Variants in B4GALNT3 observed in about 807,000 individuals in gnomAD.
The protein encoded by B4GALNT3 is beta-1,4-N-acetylgalactosaminyltransferase 3.
Under a neutral mutation model 120.2 loss-of-function variants are expected in B4GALNT3, and 86 were observed. That is an observed-to-expected ratio of 0.72 (90% confidence interval 0.60 to 0.86). B4GALNT3 has a LOEUF of 0.86. Among genes scored for constraint, B4GALNT3 ranks in the 40% least tolerant of loss-of-function variants. The pLI, the probability that B4GALNT3 is intolerant of heterozygous loss-of-function variation, is 0.00. For synonymous variants in B4GALNT3, 518 were observed against 510.4 expected, an observed-to-expected ratio of 1.01 and a Z score of -0.20; for missense variants, 1,167 against 1,298.9, an observed-to-expected ratio of 0.90 and a Z score of 1.56.
At chr12:469,957 A>G (rs1489290295) in intron 1 of B4GALNT3, among the ~76,000 whole-genome samples, 1 of 152,078 alleles carries the variant, frequency 6.6e-6, no homozygotes, top group East Asian at 1.9e-4. Flanking sequence ...TGGCCAGTTA[A>G]TGTACACCGT....
chr12:556,070 A>C (rs1201591489), intron 14 of B4GALNT3, among the ~76,000 whole-genome samples: 5 of 152,200 alleles, frequency 3.3e-5, no homozygotes, highest in African/African-American at 1.2e-4. Context: ...GGTGTGAGCC[A>C]CTGCACCTGG....
intron 1 of B4GALNT3, among the ~76,000 whole-genome samples, chr12:517,433 A>G (rs1335287993): frequency 6.6e-6 from 1 of 152,150 alleles, no homozygotes; most frequent in Non-Finnish European, 1.5e-5. Flanking sequence ...CTTGTATTTT[A>G]GAAACAAAGC....
In B4GALNT3 at chr12:550,491, AAAAC is replaced by A. The variant is rs909331586; in HGVS notation, c.998-419_998-416del. Among the ~76,000 whole-genome samples the A allele has an allele frequency of 5.9e-5, 9 of 152,212 alleles. No homozygotes were observed. The highest frequency in any genetic ancestry group is 1.9e-4 in the East Asian group (1 of 5,174). On this transcript the variant is annotated intron_variant, in intron 10 of 19. Coordinates refer to ENST00000266383, the MANE Select transcript of B4GALNT3 (RefSeq NM_173593.4). This position sits in a 1 kb window ranked among gnomAD's most constrained non-coding sequence, Gnocchi z 4.1. ...GTGACAGAGTGAGATCCTGTCAAAA[AAAAC>A]AAACAAACAAAAAAAACAACAAAGT...
intron 1 of B4GALNT3, among the ~76,000 whole-genome samples, chr12:512,084 G>GACCTTCC (rs1348982865): frequency 0.049 from 2,178 of 44,164 alleles, 119 homozygotes; most frequent in Middle Eastern, 0.075. Flanking sequence ...TTCCACCTTC[G>GACCTTCC]ACCTTCCACC....
chr12:480,015 G>A (rs1391061046), intron 1 of B4GALNT3, among the ~76,000 whole-genome samples: 3 of 147,886 alleles, frequency 2.0e-5, no homozygotes, highest in South Asian at 2.2e-4. Context: ...CCGGGTTCAC[G>A]CCATTCTCCT....
rs201115570 is a variant in B4GALNT3 at position 461,423 on chromosome 12, CA to C, written c.169+880del. ...AGGTATGGCTGTGCGAGGTGGTTTTCAACGTACTGTGGATGGGCCTAACAAA... is the reference window on the plus strand; with the variant it reads ...AGGTATGGCTGTGCGAGGTGGTTTTCACGTACTGTGGATGGGCCTAACAAA... On this transcript the variant is annotated intron_variant, in intron 1 of 19. Transcript: ENST00000266383. Among the ~76,000 whole-genome samples the C allele has an allele frequency of 2.4e-3, 364 of 152,262 alleles. 6 individuals are homozygous for C. The East Asian group carries it at 0.045, about 19-fold the overall frequency.
chr12:548,428 G>T lies in B4GALNT3; in HGVS notation c.853+131G>T. On this transcript the variant is annotated intron_variant, in intron 9 of 19. Transcript: ENST00000266383. This position sits in a 1 kb window ranked among gnomAD's most constrained non-coding sequence, Gnocchi z 4.9. ...GATGCTTGGGACACGGGTATGAAGG[G>T]GTCCAGAACAAGAGTGGGACCTTAT... 2.5e-6 allele frequency: 2 copies of T among 802,940 alleles called. No homozygotes were observed. The highest frequency in any genetic ancestry group is 4.1e-6 in the Non-Finnish European group (2 of 487,354). The allele number at this position is 802,940 out of a possible 1,614,324, so 49.7% of individuals were successfully genotyped here. A position where few individuals can be genotyped will look rare whatever the true frequency, so the allele number is the denominator to read the frequency against.
At chr12:509,973 C>A (rs1240693806) in intron 1 of B4GALNT3, among the ~76,000 whole-genome samples, 2 of 152,220 alleles carry the variant, frequency 1.3e-5, no homozygotes, top group Admixed American at 1.3e-4. Context: ...GCTGTGTCCT[C>A]CTTGAGTCCT....
intron 3 of B4GALNT3, among the ~76,000 whole-genome samples, chr12:538,560 C>CAAAAAAAAAA (rs771053015): frequency 1.6e-5 from 1 of 64,040 alleles, no homozygotes; most frequent in African/African-American, 5.3e-5. Context: ...AACCCCATCT[C>CAAAAAAAAAA]AAAAAAAAAA....
Position 549,392 on chromosome 12 carries a change from G to A in B4GALNT3, c.854-377G>A, listed in dbSNP as rs139373183. ...CATGTGGTGCTTTTGGAGATTAGAA[G>A]GGTTCATATTTGGGATATTCTTAGA... is the stretch of plus-strand genomic sequence containing the variant. On this transcript the variant is annotated intron_variant, in intron 9 of 19. Coordinates refer to ENST00000266383, the MANE Select transcript of B4GALNT3 (RefSeq NM_173593.4). Among the ~76,000 whole-genome samples the A allele has an allele frequency of 5.3e-3, 807 of 152,352 alleles. 9 individuals are homozygous for A. Among genetic ancestry groups the A allele is most frequent in the African/African-American group, 0.019 (770 of 41,586 alleles).
At chr12:502,215 T>TC (rs1400597366) in intron 1 of B4GALNT3, among the ~76,000 whole-genome samples, 5 of 152,124 alleles carry the variant, frequency 3.3e-5, no homozygotes, top group African/African-American at 9.6e-5. Flanking sequence ...TCCATTGCAT[T>TC]CCCCCCGGGC....
intron 1 of B4GALNT3, among the ~76,000 whole-genome samples, chr12:490,295 A>G (rs1028497532): frequency 6.6e-6 from 1 of 152,248 alleles, no homozygotes; most frequent in African/African-American, 2.4e-5. Context: ...CAGAAAGTTA[A>G]TAAGACCAAA....
chr12:513,147 G>GACCTTCCACCTTCCACCTTCC (rs879301868), intron 1 of B4GALNT3, among the ~76,000 whole-genome samples: 7 of 75,054 alleles, frequency 9.3e-5, no homozygotes, highest in Non-Finnish European at 1.6e-4. Context: ...TTCCACCTTC[G>GACCTTCCACCTTCCACCTTCC]ACCTTCCACC....
In B4GALNT3 at chr12:548,388, A is replaced by G. The variant is rs1477176387; in HGVS notation, c.853+91A>G. ...TGGCAGGGGAGGAGGGGAGGAGGGG[A>G]GGAAGGAAGCTCGAGATGCTTGGGA... is the stretch of plus-strand genomic sequence containing the variant. On this transcript the variant is annotated intron_variant, in intron 9 of 19. Coordinates refer to ENST00000266383, the MANE Select transcript of B4GALNT3 (RefSeq NM_173593.4). The surrounding 1 kb of genome is among the most constrained non-coding windows in gnomAD (Gnocchi z 4.9). 12 of 1,272,082 alleles carry G rather than the reference A, an allele frequency of 9.4e-6. No homozygotes were observed. Among genetic ancestry groups the G allele is most frequent in the Non-Finnish European group, 1.4e-5 (12 of 879,504 alleles). 78.8% of individuals were successfully genotyped at this position (1,272,082 alleles called of 1,614,324 possible).
intron 1 of B4GALNT3, among the ~76,000 whole-genome samples, chr12:534,575 G>A (rs574969487): frequency 2.6e-5 from 4 of 152,270 alleles, no homozygotes; most frequent in East Asian, 1.9e-4. Context: ...TCAGCCACAC[G>A]CAGCCTCCCG....
intron 1 of B4GALNT3, among the ~76,000 whole-genome samples, chr12:462,345 TCCTCACTTTTCTTTTA>T (rs1282416943): frequency 6.7e-6 from 1 of 150,042 alleles, no homozygotes; most frequent in Non-Finnish European, 1.5e-5. Context: ...TTTCTCCCTC[TCCTCACTTTTCTTTTA>T]CCTCCGGTGT....
chr12:471,493 G>T (rs1399093681), intron 1 of B4GALNT3, among the ~76,000 whole-genome samples: 1 of 151,892 alleles, frequency 6.6e-6, no homozygotes, highest in East Asian at 1.9e-4. Context: ...GATCACCTGA[G>T]GTCATGAGTT....
chr12:466,438 A>G (rs1360721374), intron 1 of B4GALNT3, among the ~76,000 whole-genome samples: 2 of 152,244 alleles, frequency 1.3e-5, no homozygotes, highest in Non-Finnish European at 2.9e-5. Flanking sequence ...TTCCACAAGC[A>G]CTTTTCGTTA....
Position 562,552 on chromosome 12 carries a change from A to G in B4GALNT3, c.*1101A>G. The G allele has an allele frequency of 6.7e-6, 1 of 148,936 alleles. No homozygotes were observed. The highest frequency in any genetic ancestry group is 1.5e-5 in the Non-Finnish European group (1 of 67,588). The allele number at this position is 148,936 out of a possible 1,614,324, so 9.2% of individuals were successfully genotyped here. A position where few individuals can be genotyped will look rare whatever the true frequency, so the allele number is the denominator to read the frequency against. On this transcript the variant is annotated 3_prime_UTR_variant, in exon 20 of 20. Transcript: ENST00000266383. The surrounding 1 kb of genome is among the most constrained non-coding windows in gnomAD (Gnocchi z 5.2). ...AGCAGGATAAGAAGGGGGCGGGATGAGAGGTTTGGGGAGGTGAGGACATTG... is the reference window on the plus strand; with the variant it reads ...AGCAGGATAAGAAGGGGGCGGGATGGGAGGTTTGGGGAGGTGAGGACATTG...
Sources: gnomAD v4.1 joint callset for allele counts (sites outside exome capture counted in the v4.1 genomes callset) on GRCh38, gnomAD v4.1.1 for gene constraint, Gnocchi (gnomAD v3.1) non-coding constraint, MANE v1.5 for transcripts, NCBI Gene and HGNC (gene_info 2026-07-23, HGNC 2026-07-21) for gene names.